ADAMTSL1: variants seen among roughly 807,000 people sequenced by gnomAD.
ADAMTSL1 encodes the protein ADAMTS-like protein 1.
A neutral mutation model predicts 201.8 loss-of-function variants in ADAMTSL1; 126 were observed. That is an observed-to-expected ratio of 0.62 (90% CI 0.54 to 0.72). The LOEUF is 0.72. Ranked by LOEUF, ADAMTSL1 falls within the 30% of genes least tolerant of loss-of-function variation. The pLI, the probability that ADAMTSL1 is intolerant of heterozygous loss-of-function variation, is 0.00. For synonymous variants in ADAMTSL1, 1,121 were observed against 903.4 expected (o/e 1.24, Z -4.32); for missense variants, 2,679 against 2,277.8 (o/e 1.18, Z -3.59).
intron 2 of ADAMTSL1, among the ~76,000 whole-genome samples, chr9:18,467,665 C>T (rs950289705): frequency 1.3e-5 from 2 of 152,040 alleles, no homozygotes; most frequent in African/African-American, 2.4e-5. Context: ...TAAATTTTAG[C>T]AAGGCAAGGA....
chr9:18,011,294 T>G (rs193030265), intron 1 of ADAMTSL1, among the ~76,000 whole-genome samples: 2 of 152,074 alleles, frequency 1.3e-5, no homozygotes, highest in African/African-American at 4.8e-5. Flanking sequence ...CTCATAATCT[T>G]TGTCTCAAAT....
chr9:17,924,505 G>A (rs548168555), intron 1 of ADAMTSL1, among the ~76,000 whole-genome samples: 1 of 150,688 alleles, frequency 6.6e-6, no homozygotes. Context: ...CCAAAACAGA[G>A]ATATAGATCA....
intron 1 of ADAMTSL1, among the ~76,000 whole-genome samples, chr9:17,965,042 T>G (rs1224366854): frequency 6.6e-6 from 1 of 152,084 alleles, no homozygotes; most frequent in East Asian, 1.9e-4. Context: ...TGTGAGCCAC[T>G]GCACTCAGCT....
At chr9:18,496,279 G>A (rs190193590) in intron 1 of ADAMTSL1, among the ~76,000 whole-genome samples, 1 of 152,306 alleles carries the variant, frequency 6.6e-6, no homozygotes, top group East Asian at 1.9e-4. Flanking sequence ...AGTAAGGAGA[G>A]CTGAACTTAA....
chr9:18,170,883 G>C (rs1461031737), intron 2 of ADAMTSL1, among the ~76,000 whole-genome samples: 2 of 152,022 alleles, frequency 1.3e-5, no homozygotes, highest in African/African-American at 4.8e-5. Context: ...TTCTGTGTTA[G>C]TGTTTATATT....
rs201545811 is a variant in ADAMTSL1, at chr9:18,118,868, AAGAC to A, written c.88-44990_88-44987del. On this transcript the variant is annotated intron_variant, in intron 1 of 29. Coordinates refer to the ADAMTSL1 transcript ENST00000680146. The stretch of plus-strand genomic sequence containing the variant: ...TCTAATATCCCTGTATTTTTTCACT[AAGAC>A]AGAAAATACCGCAAAGCATGTGATT... 2.1e-4 allele frequency among the ~76,000 whole-genome samples: 32 copies of A among 152,282 alleles called. No individual in the cohort carries two copies. The East Asian group carries it at 5.8e-3, about 28-fold the overall frequency.
chr9:17,990,841 C>G (rs1819124592), intron 1 of ADAMTSL1, among the ~76,000 whole-genome samples: 1 of 152,108 alleles, frequency 6.6e-6, no homozygotes, highest in Admixed American at 6.6e-5. Flanking sequence ...CAGTTCTTTA[C>G]TCTTTGACAT....
intron 4 of ADAMTSL1, among the ~76,000 whole-genome samples, chr9:18,615,699 A>G (rs926699363): frequency 6.6e-6 from 1 of 152,182 alleles, no homozygotes; most frequent in Non-Finnish European, 1.5e-5. Flanking sequence ...AATAATGTCT[A>G]TGGATAATTG....
intron 5 of ADAMTSL1, among the ~76,000 whole-genome samples, chr9:18,626,644 A>C (rs1467871707): frequency 6.6e-6 from 1 of 152,172 alleles, no homozygotes; most frequent in African/African-American, 2.4e-5. Flanking sequence ...GATTTTGAAC[A>C]GAGGAATAAC....
At chr9:18,040,826 A>G (rs1424707827) in intron 1 of ADAMTSL1, among the ~76,000 whole-genome samples, 1 of 152,160 alleles carries the variant, frequency 6.6e-6, no homozygotes. Context: ...ATTTCTATTC[A>G]TTTGTCAAAG....
chr9:18,554,166 T>G (rs1820964007), intron 3 of ADAMTSL1, among the ~76,000 whole-genome samples: 1 of 144,476 alleles, frequency 6.9e-6, no homozygotes, highest in Non-Finnish European at 1.5e-5. Flanking sequence ...TGAGTTCTGT[T>G]TTTTTTTTAA....
intron 2 of ADAMTSL1, among the ~76,000 whole-genome samples, chr9:18,269,728 T>G (rs999971039): frequency 7.2e-5 from 11 of 152,292 alleles, no homozygotes; most frequent in Non-Finnish European, 1.5e-4. Context: ...CTCTTGCAGT[T>G]TTGTTTGGGT....
At chr9:18,396,636 C>G (rs1817764613) in intron 2 of ADAMTSL1, among the ~76,000 whole-genome samples, 1 of 150,546 alleles carries the variant, frequency 6.6e-6, no homozygotes, top group Non-Finnish European at 1.5e-5. Context: ...TTAATAATGT[C>G]CTGTGCAAAT....
chr9:18,183,488 T>G (rs1828591114), intron 2 of ADAMTSL1, among the ~76,000 whole-genome samples: 1 of 152,148 alleles, frequency 6.6e-6, no homozygotes, highest in Non-Finnish European at 1.5e-5. Flanking sequence ...GAAAAAGCAT[T>G]ATTATCTAAA....
intron 20 of ADAMTSL1, among the ~76,000 whole-genome samples, chr9:18,797,183 A>G (rs1822475459): frequency 6.6e-6 from 1 of 152,206 alleles, no homozygotes; most frequent in African/African-American, 2.4e-5. Flanking sequence ...GTATGACTAC[A>G]GACACCACAC....
At chr9:18,515,386 G>A (rs772070049) in intron 2 of ADAMTSL1, among the ~76,000 whole-genome samples, 5 of 152,208 alleles carry the variant, frequency 3.3e-5, no homozygotes, top group Admixed American at 6.5e-5. Flanking sequence ...CCAGGCTGGA[G>A]TGCAGTGGTG....
intron 2 of ADAMTSL1, among the ~76,000 whole-genome samples, chr9:18,295,284 C>A (rs1011977153): frequency 1.3e-5 from 2 of 151,380 alleles, no homozygotes; most frequent in African/African-American, 4.9e-5. Context: ...AAGGAGAGGG[C>A]AAAATGGATG....
At chr9:18,049,324 G>A (rs79863857) in intron 1 of ADAMTSL1, among the ~76,000 whole-genome samples, 1 of 152,288 alleles carries the variant, frequency 6.6e-6, no homozygotes, top group East Asian at 1.9e-4. Context: ...TCTACCAGTG[G>A]TGATTTTCAG....
At chr9:18,287,615 A>ATG (rs58603714) in intron 2 of ADAMTSL1, among the ~76,000 whole-genome samples, 36,537 of 136,680 alleles carry the variant, frequency 0.27, 6,876 homozygotes, top group African/African-American at 0.48. Flanking sequence ...GCATATATGT[A>ATG]TGTGTATACA....
Sources: gnomAD v4.1 joint callset for allele counts (sites outside exome capture counted in the v4.1 genomes callset) on GRCh38, gnomAD v4.1.1 for gene constraint, MANE v1.5 for transcripts, NCBI Gene and HGNC (gene_info 2026-07-23, HGNC 2026-07-21) for gene names.